Variants in ACACA observed in about 807,000 individuals in gnomAD.
The protein encoded by ACACA is acetyl-CoA carboxylase alpha.
Under a neutral mutation model 296.1 loss-of-function variants are expected in ACACA, and 103 were observed. The ratio of observed to expected loss-of-function variants is 0.35; its 90% CI spans 0.30 to 0.41. The LOEUF (loss-of-function observed/expected upper bound fraction) is 0.41. Ranked by LOEUF, ACACA falls within the 10% of genes least tolerant of loss-of-function variation. The pLI, the probability that ACACA is intolerant of heterozygous loss-of-function variation, is 1.00. For synonymous variants in ACACA, 953 were observed against 1,038.6 expected, an observed-to-expected ratio of 0.92 and a Z score of 1.58; for missense variants, 1,554 against 2,989.7, an observed-to-expected ratio of 0.52 and a Z score of 11.20.
intron 11 of ACACA, among the ~76,000 whole-genome samples, chr17:37,261,980 T>C (rs1408376868): frequency 6.6e-6 from 1 of 152,018 alleles, no homozygotes; most frequent in Non-Finnish European, 1.5e-5. Flanking sequence ...TGGAGAAGAA[T>C]ATACATCATA....
intron 7 of ACACA, among the ~76,000 whole-genome samples, 154 bp from the exon 8 acceptor site, chr17:37,276,203 T>C (rs757104089): frequency 2.6e-5 from 4 of 152,212 alleles, no homozygotes; most frequent in South Asian, 2.1e-4. Flanking sequence ...GGGACTATTA[T>C]GCTTTGACTT....
intron 30 of ACACA, 54 bp downstream of exon 30, chr17:37,210,413 T>C: frequency 6.5e-7 from 1 of 1,538,760 alleles, no homozygotes; most frequent in African/African-American, 1.4e-5. Flanking sequence ...GGTTTCACTA[T>C]TCTAAGTTAC....
intron 41 of ACACA, among the ~76,000 whole-genome samples, chr17:37,166,800 A>G (rs1325591791): frequency 6.6e-6 from 1 of 152,246 alleles, no homozygotes; most frequent in African/African-American, 2.4e-5. Context: ...TGTGAGCAAC[A>G]CCATGTTAAA....
chr17:37,383,242 G>A (rs1286953206), intron 1 of ACACA, among the ~76,000 whole-genome samples: 2 of 152,074 alleles, frequency 1.3e-5, no homozygotes, highest in African/African-American at 4.8e-5. Flanking sequence ...TGAGACTTGG[G>A]GCAATTAAGG....
intron 1 of ACACA, among the ~76,000 whole-genome samples, chr17:37,357,552 T>C (rs906737027): frequency 1.3e-5 from 2 of 152,160 alleles, no homozygotes; most frequent in African/African-American, 4.8e-5. Context: ...ACAGATGGCT[T>C]CATAAATTAA....
At chr17:37,280,008 C>T (rs1430466840) in intron 5 of ACACA, among the ~76,000 whole-genome samples, 1 of 152,028 alleles carries the variant, frequency 6.6e-6, no homozygotes, top group Non-Finnish European at 1.5e-5. Flanking sequence ...TGTCTCTGTA[C>T]GGCTGTCCAA....
At chr17:37,396,076 A>T (rs1221278982) in intron 1 of ACACA, among the ~76,000 whole-genome samples, 1 of 152,030 alleles carries the variant, frequency 6.6e-6, no homozygotes, top group Non-Finnish European at 1.5e-5. Flanking sequence ...ATGGTAGCTC[A>T]CGCCTGTAAT....
At chr17:37,181,156 C>G in intron 40 of ACACA, 45 bp downstream of exon 40, 1 of 1,610,142 alleles carries the variant, frequency 6.2e-7, no homozygotes, top group South Asian at 1.1e-5. Flanking sequence ...TCAGGGAAAC[C>G]TTGCCTCCTT....
intron 5 of ACACA, among the ~76,000 whole-genome samples, chr17:37,278,745 G>T (rs1366642162): frequency 6.6e-6 from 1 of 152,126 alleles, no homozygotes; most frequent in African/African-American, 2.4e-5. Context: ...GACAGAAAAT[G>T]ATGGCTTGGA....
At chr17:37,382,880 T>C (rs1339528268) in intron 1 of ACACA, among the ~76,000 whole-genome samples, 1 of 150,978 alleles carries the variant, frequency 6.6e-6, no homozygotes, top group African/African-American at 2.4e-5. Flanking sequence ...CAAAACAAAA[T>C]AAAAAAATTA....
At chr17:37,376,258 T>TTA (rs2049998285) in intron 1 of ACACA, 1 of 919,528 alleles carries the variant, frequency 1.1e-6, no homozygotes, top group African/African-American at 1.6e-5. Flanking sequence ...CAGCAAGCAA[T>TTA]ACTTTCCAGA....
chr17:37,150,048 A>T, intron 44 of ACACA, 74 bp from the exon 45 acceptor site: 1 of 1,326,844 alleles, frequency 7.5e-7, no homozygotes, highest in Non-Finnish European at 1.1e-6. Flanking sequence ...GGCATAGATA[A>T]GTAAAATCCA....
At chr17:37,281,066 T>G (rs1450883626) in intron 5 of ACACA, among the ~76,000 whole-genome samples, 4 of 151,568 alleles carry the variant, frequency 2.6e-5, no homozygotes, top group Non-Finnish European at 5.9e-5. Context: ...CTCTTTTTTT[T>G]TTTTTTTTCA....
intron 10 of ACACA, among the ~76,000 whole-genome samples, chr17:37,268,839 A>G (rs924155511): frequency 2.0e-5 from 3 of 148,904 alleles, no homozygotes; most frequent in African/African-American, 7.4e-5. Flanking sequence ...TTGAAACTTA[A>G]GGACTTTCAC....
intron 1 of ACACA, among the ~76,000 whole-genome samples, chr17:37,370,846 T>C (rs1391060951): frequency 6.6e-6 from 1 of 151,656 alleles, no homozygotes; most frequent in Non-Finnish European, 1.5e-5. Flanking sequence ...TAGCCGGACT[T>C]GGTGGCACAT....
chr17:37,167,308 A>G (rs1223016999), intron 41 of ACACA, among the ~76,000 whole-genome samples: 1 of 123,884 alleles, frequency 8.1e-6, no homozygotes, highest in Non-Finnish European at 1.7e-5. Flanking sequence ...GTCTCAGGCC[A>G]TTGCCCAGGC....
intron 16 of ACACA, among the ~76,000 whole-genome samples, chr17:37,249,384 C>G (rs2080872041): frequency 6.6e-6 from 1 of 152,126 alleles, no homozygotes; most frequent in African/African-American, 2.4e-5. Context: ...AGTGGTATTA[C>G]CAGATCATAG....
At chr17:37,152,474 G>A (rs1197322173) in intron 43 of ACACA, among the ~76,000 whole-genome samples, 2 of 152,122 alleles carry the variant, frequency 1.3e-5, no homozygotes, top group East Asian at 3.8e-4. Context: ...TCAAAATACT[G>A]AACTCCCATT....
At chr17:37,260,290 ATATATATTTTT>A (rs1400956526) in intron 11 of ACACA, among the ~76,000 whole-genome samples, 8 of 17,540 alleles carry the variant, frequency 4.6e-4, no homozygotes, top group African/African-American at 1.3e-3. Context: ...ATATATATAT[ATATATATTTTT>A]TTTTTTTTTT....
Sources: gnomAD v4.1 joint callset for allele counts (sites outside exome capture counted in the v4.1 genomes callset) on GRCh38, gnomAD v4.1.1 for gene constraint, MANE v1.5 for transcripts, NCBI Gene and HGNC (gene_info 2026-07-23, HGNC 2026-07-21) for gene names.